MN1: variants seen among roughly 807,000 people sequenced by gnomAD.
MN1 encodes MN1 proto-oncogene, transcriptional regulator.
MN1 carries 19 observed loss-of-function variants against 86.9 expected under a neutral mutation model. The ratio of observed to expected loss-of-function variants is 0.22; its 90% CI spans 0.15 to 0.32. MN1 has a LOEUF of 0.32. Among genes scored for constraint, MN1 ranks in the 10% least tolerant of loss-of-function variants. The pLI, the probability that MN1 is intolerant of heterozygous loss-of-function variation, is 1.00. For synonymous variants in MN1, 928 were observed against 849.6 expected (o/e 1.09, Z -1.60); for missense variants, 1,841 against 1,862.0 (o/e 0.99, Z 0.21).
intron 1 of MN1, among the ~76,000 whole-genome samples, chr22:27,785,345 C>T (rs558115566): frequency 1.8e-3 from 281 of 152,332 alleles, no homozygotes; most frequent in African/African-American, 5.4e-3. Context: ...GAAGCAAAAA[C>T]ACAGGCAGGG....
intron 1 of MN1, among the ~76,000 whole-genome samples, chr22:27,795,338 AC>A (rs1933276201): frequency 6.6e-6 from 1 of 151,936 alleles, no homozygotes; most frequent in Non-Finnish European, 1.5e-5. Flanking sequence ...GTTCTGAACC[AC>A]CCAACTCCCA....
chr22:27,775,389 T>C (rs6005614), intron 1 of MN1, among the ~76,000 whole-genome samples: 26 of 152,236 alleles, frequency 1.7e-4, no homozygotes, highest in Middle Eastern at 3.4e-3. Flanking sequence ...CTGGGAAAGA[T>C]GGGCCTCGCG....
In MN1 at chr22:27,799,198, G is replaced by T. The variant is rs543407693; in HGVS notation, c.1346C>A (p.Pro449His). ...NQRLQHFDAP[P>H]YMNVAKRPRF... ...CGGCCTCTTGGCCACGTTCATGTAG[G>T]GGGGCGCGTCGAAATGCTGCAGCCG... Residue 449 changes from proline (P) to histidine (H), a missense_variant, in exon 1 of 2, where the codon CCC (proline) becomes CAC (histidine). Pro to His is a moderately conservative substitution (Grantham distance 77). Coordinates refer to ENST00000302326, the MANE Select transcript of MN1 (RefSeq NM_002430.3). 1.2e-6 allele frequency: 2 copies of T among 1,605,096 alleles called. No homozygotes were observed. Among genetic ancestry groups the T allele is most frequent in the Admixed American group, 1.7e-5 (1 of 59,596 alleles).
rs753889561 is a variant in MN1 at position 27,798,118 on chromosome 22, G to A, written c.2426C>T (p.Ser809Phe). ...GTCCTTGGAGCTGGGCTTGTTGAAG[G>A]AGCCCAGCGAGAGCGCGCCCAATTT... ...ASKLGALSLG[S>F]FNKPSSKDNL... is the part of the protein sequence containing the mutation. Residue 809 changes from serine to phenylalanine, a missense_variant, in exon 1 of 2, where the codon TCC becomes TTC. Physicochemically the swap from Ser to Phe is radical, Grantham distance 155. Coordinates refer to ENST00000302326, the MANE Select transcript of MN1 (RefSeq NM_002430.3). 5 of 1,608,832 alleles carry A rather than the reference G, an allele frequency of 3.1e-6. No individual in the cohort carries two copies. Among genetic ancestry groups the A allele is most frequent in the Non-Finnish European group, 4.2e-6 (5 of 1,179,150 alleles).
chr22:27,800,326 C>T lies in MN1; in HGVS notation c.218G>A (p.Arg73His). The T allele has an allele frequency of 6.3e-7, 1 of 1,582,764 alleles. No homozygotes were observed. Residue 73 changes from arginine to histidine, a missense_variant, in exon 1 of 2, where the codon CGC (arginine) becomes CAC (histidine). By Grantham distance (29) the Arg-to-His change is conservative. Coordinates refer to ENST00000302326, the MANE Select transcript of MN1 (RefSeq NM_002430.3). ...MNMEPYGFHA[R>H]GHSELHAGGL... ...CCCTGCGTGCAACTCCGAGTGGCCG[C>T]GCGCGTGGAAGCCGTAGGGCTCCAT...
chr22:27,765,849 C>A (rs1488300171), intron 1 of MN1, among the ~76,000 whole-genome samples: 1 of 151,918 alleles, frequency 6.6e-6, no homozygotes, highest in Non-Finnish European at 1.5e-5. Context: ...TGGAGAGAGA[C>A]GGGGAGCAGC....
rs773309616 is a variant in MN1, at chr22:27,799,359, G to C, written c.1185C>G (p.Asp395Glu). 1.9e-6 allele frequency: 3 copies of C among 1,573,084 alleles called. No homozygotes were observed. The highest frequency in any genetic ancestry group is 1.7e-4 in the Middle Eastern group (1 of 5,946). ...EAGTPSGGLQ[D>E]GGPMLPSQHA... is the part of the protein sequence containing the mutation. ...GCTGGCTGGGCAGCATGGGGCCTCC[G>C]TCCTGCAGGCCGCCGCTGGGCGTGC... The change falls in exon 1 of 2, where the codon GAC (aspartate) becomes GAG (glutamate). Residue 395 changes from aspartate (D) to glutamate (E), a missense_variant. Physicochemically the swap from Asp to Glu is conservative, Grantham distance 45. Transcript: ENST00000302326.
chr22:27,783,096 A>G (rs2146307822), intron 1 of MN1, among the ~76,000 whole-genome samples: 1 of 151,318 alleles, frequency 6.6e-6, no homozygotes, highest in East Asian at 1.9e-4. Flanking sequence ...AAGGGTTGCC[A>G]TCACCAACCA....
At chr22:27,752,969 C>T (rs1167699239) in intron 1 of MN1, among the ~76,000 whole-genome samples, 1 of 152,216 alleles carries the variant, frequency 6.6e-6, no homozygotes. Flanking sequence ...AGGCCTCCCC[C>T]AGGAGCTGAG....
chr22:27,793,777 G>A (rs892392109), intron 1 of MN1, among the ~76,000 whole-genome samples: 14 of 152,186 alleles, frequency 9.2e-5, no homozygotes, highest in African/African-American at 2.9e-4. Context: ...ATCTGGGCAC[G>A]TCCCAGTGGC....
chr22:27,774,265 A>G (rs147848575), intron 1 of MN1, among the ~76,000 whole-genome samples: 43 of 152,360 alleles, frequency 2.8e-4, no homozygotes, highest in Middle Eastern at 3.4e-3. Context: ...AGGCCTGGCC[A>G]GCAAGATAGA....
chr22:27,770,509 T>C (rs1291737480), intron 1 of MN1, among the ~76,000 whole-genome samples: 1 of 152,188 alleles, frequency 6.6e-6, no homozygotes, highest in African/African-American at 2.4e-5. Flanking sequence ...GACAAGGCAC[T>C]TTCCCTCTCT....
chr22:27,798,594 C>G lies in MN1; in HGVS notation c.1950G>C (p.Ser650=). Residue 650 remains serine (S), a synonymous_variant, in exon 1 of 2, where the codon TCG becomes TCC. Transcript: ENST00000302326. The part of the protein sequence containing the change: ...GDLLPRRMGG[S]GLPADCGPHD... ...GCGGGCCACAGTCAGCGGGCAGACCCGAGCCGCCCATCCTACGGGGCAGCA... is the reference window on the plus strand; with the variant it reads ...GCGGGCCACAGTCAGCGGGCAGACCGGAGCCGCCCATCCTACGGGGCAGCA... 3 of 1,553,430 alleles carry G rather than the reference C, an allele frequency of 1.9e-6. No individual in the cohort carries two copies. Among genetic ancestry groups the G allele is most frequent in the Non-Finnish European group, 2.6e-6 (3 of 1,158,854 alleles).
At chr22:27,796,604 C>G (rs562467949) in intron 1 of MN1, among the ~76,000 whole-genome samples, 159 bp downstream of exon 1, 33 of 152,112 alleles carry the variant, frequency 2.2e-4, no homozygotes, top group Middle Eastern at 3.4e-3. Context: ...CCTCACAGCC[C>G]TTGGTGTAAG....
At position 27,800,517 on chromosome 22, in the gene MN1, G is replaced by C. The variant is rs1933415113; in HGVS notation, c.27C>G (p.Pro9=). The C allele has an allele frequency of 6.2e-7, 1 of 1,614,056 alleles. No individual in the cohort carries two copies. The highest frequency in any genetic ancestry group is 1.1e-5 in the South Asian group (1 of 91,090). Residue 9 remains proline, a synonymous_variant, in exon 1 of 2, where the codon CCC becomes CCG. Coordinates refer to ENST00000302326, the MANE Select transcript of MN1 (RefSeq NM_002430.3). ...GGCCAGCGTTCCTGCTGTTGACCTG[G>C]GGCTCGAATTGGTCCAGCCCAAACA... MFGLDQFE[P]QVNSRNAGQG...
Position 27,756,036 on chromosome 22 carries a change from C to A in MN1, c.3782-4940G>T, listed in dbSNP as rs777119305. Among the ~76,000 whole-genome samples, 56 of 152,194 alleles carry A rather than the reference C, an allele frequency of 3.7e-4. 1 individual carries two copies. The highest frequency in any genetic ancestry group is 1.6e-4 in the Non-Finnish European group (11 of 68,032). On this transcript the variant is annotated intron_variant, in intron 1 of 1. Coordinates refer to ENST00000302326, the MANE Select transcript of MN1 (RefSeq NM_002430.3). The stretch of plus-strand genomic sequence containing the variant: ...AATGATCCATGCAAAACGCTTAGCA[C>A]GTGGGGCGCTCCTGCCAACGCTGGC...
In MN1 at chr22:27,750,413, C is replaced by T. The variant is rs1932753488; in HGVS notation, c.*502G>A. 4.4e-6 allele frequency: 1 copy of T among 224,962 alleles called. No individual in the cohort carries two copies. Among genetic ancestry groups the T allele is most frequent in the African/African-American group, 2.2e-5 (1 of 44,772 alleles). The allele number at this position is 224,962 out of a possible 1,614,324, so 13.9% of individuals were successfully genotyped here. A position where few individuals can be genotyped will look rare whatever the true frequency, so the allele number is the denominator to read the frequency against. On this transcript the variant is annotated 3_prime_UTR_variant, in exon 2 of 2. Transcript: ENST00000302326. ...GCAATATTCCAGAACTACTATTCTC[C>T]AGGATTTCCATTTTAATAAGCAGTG...
intron 1 of MN1, among the ~76,000 whole-genome samples, chr22:27,773,387 C>T (rs1230477389): frequency 3.9e-5 from 6 of 152,152 alleles, no homozygotes; most frequent in Admixed American, 2.0e-4. Flanking sequence ...AGAGGGAGGC[C>T]GCAGGCCAGC....
At position 27,799,786 on chromosome 22, in the gene MN1, T is replaced by A. The variant is rs1933396222; in HGVS notation, c.758A>T (p.Glu253Val). Reference sequence around the variant, plus strand: ...CGCTGCATAATGAGGCAGCTGCCCTTCGGAGTCAGAGGGCGAAAACATGTC... The same window carrying A: ...CGCTGCATAATGAGGCAGCTGCCCTACGGAGTCAGAGGGCGAAAACATGTC... ...HFDMFSPSDS[E>V]GQLPHYAAGR... Residue 253 changes from glutamate (E) to valine (V), a missense_variant, in exon 1 of 2, where the codon GAA (glutamate) becomes GTA (valine). Coordinates refer to ENST00000302326, the MANE Select transcript of MN1 (RefSeq NM_002430.3). 6.3e-7 allele frequency: 1 copy of A among 1,594,138 alleles called. No homozygotes were observed.
Sources: allele counts gnomAD v4.1 joint callset (sites outside exome capture counted in the v4.1 genomes callset), GRCh38; gene constraint gnomAD v4.1.1; transcripts MANE v1.5; gene names NCBI Gene and HGNC (gene_info 2026-07-23, HGNC 2026-07-21).